WWOX: variants seen among roughly 807,000 people sequenced by gnomAD.
WWOX encodes the protein WW domain-containing oxidoreductase.
WWOX carries 69 observed loss-of-function variants against 46.2 expected under a neutral mutation model. The observed-to-expected ratio is 1.49, with a 90% confidence interval of 1.23 to 1.82. The LOEUF (loss-of-function observed/expected upper bound fraction) is 1.82. WWOX is among the 40% of genes most tolerant of loss of function. The pLI, the probability that WWOX is intolerant of heterozygous loss-of-function variation, is 0.00. For missense variants in WWOX, 919 were observed against 542.6 expected (o/e 1.69, Z -6.89); for synonymous variants, 359 against 202.6 (o/e 1.77, Z -6.56).
chr16:78,669,955 G>A (rs1184379488), intron 8 of WWOX, among the ~76,000 whole-genome samples: 2 of 152,084 alleles, frequency 1.3e-5, no homozygotes, highest in African/African-American at 4.8e-5. Flanking sequence ...CTCTCAAAAT[G>A]GTTGCCTTTT....
At chr16:78,441,938 A>G (rs941262144) in intron 8 of WWOX, among the ~76,000 whole-genome samples, 2 of 150,096 alleles carry the variant, frequency 1.3e-5, no homozygotes, top group African/African-American at 5.0e-5. Flanking sequence ...ATGAGTGACA[A>G]AAATTTCATA....
At chr16:78,654,663 GTA>G (rs778237492) in intron 8 of WWOX, among the ~76,000 whole-genome samples, 18 of 152,026 alleles carry the variant, frequency 1.2e-4, no homozygotes, top group Admixed American at 2.6e-4. Context: ...CTCTCTGTGT[GTA>G]TGTGTGTGTG....
intron 8 of WWOX, among the ~76,000 whole-genome samples, chr16:78,934,263 A>G (rs548777873): frequency 1.0e-4 from 15 of 147,500 alleles, no homozygotes; most frequent in East Asian, 2.1e-4. Flanking sequence ...GCGTGAACCC[A>G]GGAGGCGGAT....
chr16:78,440,553 C>T (rs1371260198), intron 8 of WWOX, among the ~76,000 whole-genome samples: 1 of 151,988 alleles, frequency 6.6e-6, no homozygotes, highest in Non-Finnish European at 1.5e-5. Context: ...TGAAGAGTCC[C>T]TGGAATTTCT....
chr16:78,581,014 A>T (rs937448615), intron 8 of WWOX, among the ~76,000 whole-genome samples: 3 of 152,218 alleles, frequency 2.0e-5, no homozygotes, highest in Admixed American at 6.5e-5. Flanking sequence ...GAACTTATTA[A>T]ATGACTTTAA....
At chr16:78,477,644 A>C (rs975788534) in intron 8 of WWOX, among the ~76,000 whole-genome samples, 2 of 152,236 alleles carry the variant, frequency 1.3e-5, no homozygotes, top group African/African-American at 4.8e-5. Context: ...TTAATAGTGA[A>C]ATCATATCAT....
chr16:79,051,251 G>A (rs981342169), intron 8 of WWOX, among the ~76,000 whole-genome samples: 1 of 152,182 alleles, frequency 6.6e-6, no homozygotes, highest in Non-Finnish European at 1.5e-5. Context: ...TTTTTCTTGG[G>A]AAGTGGACTC....
intron 8 of WWOX, among the ~76,000 whole-genome samples, chr16:79,110,062 C>G (rs770237220): frequency 6.6e-6 from 1 of 152,176 alleles, no homozygotes. Flanking sequence ...AGGGTGTGAT[C>G]CTGTTATTGG....
At chr16:78,252,002 G>A (rs753504783) in intron 5 of WWOX, among the ~76,000 whole-genome samples, 54 of 152,182 alleles carry the variant, frequency 3.5e-4, no homozygotes, top group Non-Finnish European at 6.3e-4. Context: ...TTCAGATCTG[G>A]CAAGTGTCAT....
At chr16:79,187,925 G>A (rs1468085461) in intron 8 of WWOX, among the ~76,000 whole-genome samples, 2 of 152,194 alleles carry the variant, frequency 1.3e-5, no homozygotes, top group African/African-American at 2.4e-5. Context: ...TGTGCACCAG[G>A]CATGGATGGC....
intron 8 of WWOX, among the ~76,000 whole-genome samples, chr16:78,658,374 T>C (rs1008463030): frequency 6.6e-6 from 1 of 152,234 alleles, no homozygotes; most frequent in Non-Finnish European, 1.5e-5. Context: ...ACTTGCCATG[T>C]AGTCACTAAT....
intron 8 of WWOX, among the ~76,000 whole-genome samples, chr16:78,967,318 C>G (rs1003372119): frequency 1.1e-5 from 1 of 93,208 alleles, no homozygotes; most frequent in Non-Finnish European, 2.1e-5. Flanking sequence ...TTTTTTGAGA[C>G]TCACTCTGTC....
Position 78,649,026 on chromosome 16 carries a change from T to G in WWOX, c.1056+216274T>G, listed in dbSNP as rs571694006. 6.6e-5 allele frequency among the ~76,000 whole-genome samples: 10 copies of G among 152,274 alleles called. No homozygotes were observed. In the South Asian group the frequency reaches 1.9e-3, roughly 28 times the overall value. On this transcript the variant is annotated intron_variant, in intron 8 of 8. Transcript: ENST00000566780. The stretch of plus-strand genomic sequence containing the variant: ...TCTCGCTCTGTCACCCAGGCTGGAG[T>G]GCAGCAGTGTGATCTTGGCTCACTG...
At chr16:78,762,326 G>A (rs7185360) in intron 8 of WWOX, among the ~76,000 whole-genome samples, 117,644 of 152,088 alleles carry the variant, frequency 0.77, 45,967 homozygotes, top group Non-Finnish European at 0.83. Context: ...CTTGCTGGAG[G>A]TACAGAATCT....
intron 8 of WWOX, chr16:78,535,044 A>G (rs1386080859): frequency 1.3e-5 from 2 of 152,226 alleles, no homozygotes; most frequent in Admixed American, 6.5e-5. Context: ...ATACACTGAT[A>G]TCCCCGAGCA....
At chr16:78,859,307 T>C (rs1023504917) in intron 8 of WWOX, among the ~76,000 whole-genome samples, 8 of 151,964 alleles carry the variant, frequency 5.3e-5, no homozygotes, top group African/African-American at 1.4e-4. Flanking sequence ...TTTTCCCCCC[T>C]GCTGAATTCC....
chr16:78,630,584 G>A (rs78760221), intron 8 of WWOX, among the ~76,000 whole-genome samples: 4,323 of 152,244 alleles, frequency 0.028, 227 homozygotes, highest in African/African-American at 0.099. Context: ...TGCATCCTGT[G>A]TGACCCCACT....
At chr16:78,146,430 A>G (rs965253528) in intron 4 of WWOX, among the ~76,000 whole-genome samples, 3 of 152,126 alleles carry the variant, frequency 2.0e-5, no homozygotes, top group Non-Finnish European at 4.4e-5. Flanking sequence ...GGAATGAAAC[A>G]AAAATTTATA....
At chr16:78,330,139 T>C (rs1459313652) in intron 5 of WWOX, among the ~76,000 whole-genome samples, 1 of 152,218 alleles carries the variant, frequency 6.6e-6, no homozygotes, top group Non-Finnish European at 1.5e-5. Flanking sequence ...GCCTAAACGT[T>C]TGAAAACATT....
Sources: allele counts gnomAD v4.1 joint callset (sites outside exome capture counted in the v4.1 genomes callset), GRCh38; gene constraint gnomAD v4.1.1; transcripts MANE v1.5; gene names NCBI Gene and HGNC (gene_info 2026-07-23, HGNC 2026-07-21).